Variants in TENM1 observed in about 807,000 individuals in gnomAD.
TENM1 encodes the protein teneurin transmembrane protein 1, also known as teneurin-1.
TENM1 carries 35 observed loss-of-function variants against 174.8 expected under a neutral mutation model. That is an observed-to-expected ratio of 0.20 (90% CI 0.15 to 0.27). The LOEUF (loss-of-function observed/expected upper bound fraction) is 0.27. Ranked by LOEUF, TENM1 falls within the 10% of genes least tolerant of loss-of-function variation. The pLI is 1.00. For synonymous variants in TENM1, 781 were observed against 798.7 expected (o/e 0.98, Z 0.37); for missense variants, 1,633 against 2,130.1 (o/e 0.77, Z 4.59).
chrX:124,487,010 T>C (rs1389444730), intron 21 of TENM1, among the ~76,000 whole-genome samples, 199 bp downstream of exon 24: 1 of 112,249 alleles, frequency 8.9e-6, no homozygotes, highest in Non-Finnish European at 1.9e-5. Context: ...TTTTAGTATG[T>C]TTTGATCCTC....
chrX:124,547,876 G>A (rs1432404208), intron 14 of TENM1, among the ~76,000 whole-genome samples: 7 of 111,662 alleles, frequency 6.3e-5, no homozygotes, highest in African/African-American at 9.8e-5. Flanking sequence ...TCTCTCTGTC[G>A]CCCAGGCTGG....
chrX:124,665,487 G>A (rs1184320556), intron 6 of TENM1, among the ~76,000 whole-genome samples: 1 of 112,717 alleles, frequency 8.9e-6, no homozygotes, highest in Admixed American at 9.4e-5. Flanking sequence ...GTAGGAAACT[G>A]GGAATTAATT....
At chrX:124,546,409 T>C (rs2048430689) in intron 15 of TENM1, among the ~76,000 whole-genome samples, 1 of 111,972 alleles carries the variant, frequency 8.9e-6, no homozygotes, top group Non-Finnish European at 1.9e-5. Context: ...AGGTCTTAAG[T>C]GACAATTCAT....
chrX:124,852,813 A>G (rs2056747021), intron 3 of TENM1, among the ~76,000 whole-genome samples: 2 of 111,559 alleles, frequency 1.8e-5, no homozygotes, highest in Admixed American at 9.5e-5. Context: ...TCAAGGGTGG[A>G]ATGAAGAGAA....
the TENM1 span, among the ~76,000 whole-genome samples, chrX:125,186,499 T>C: frequency 9.1e-6 from 1 of 109,769 alleles, no homozygotes; most frequent in African/African-American, 3.3e-5. Flanking sequence ...ATCATGGGAG[T>C]AGATCCTTCA....
intron 3 of TENM1, among the ~76,000 whole-genome samples, chrX:124,793,235 G>A (rs951378689): frequency 3.4e-4 from 38 of 111,443 alleles, no homozygotes; most frequent in East Asian, 1.4e-3. Context: ...ATTGGGTAGT[G>A]GTTTCTATGA....
intron 18 of TENM1, among the ~76,000 whole-genome samples, chrX:124,517,777 C>T (rs902299467): frequency 1.1e-4 from 12 of 107,194 alleles, no homozygotes; most frequent in African/African-American, 1.4e-4. Flanking sequence ...CAAACCTGGA[C>T]GTTGTGCACA....
At chrX:124,493,590 C>A (rs1431885549) in intron 20 of TENM1, among the ~76,000 whole-genome samples, 1 of 111,055 alleles carries the variant, frequency 9.0e-6, no homozygotes, top group Non-Finnish European at 1.9e-5. Flanking sequence ...AATTGTTCAG[C>A]GCTCCCATCT....
intron 14 of TENM1, 59 bp downstream of exon 17, chrX:124,561,612 C>T: frequency 8.4e-7 from 1 of 1,184,096 alleles, no homozygotes. Flanking sequence ...AGGTTGATTA[C>T]CACTGTGCTA....
At chrX:124,705,516 A>T (rs1228151437) in intron 4 of TENM1, among the ~76,000 whole-genome samples, 2 of 110,877 alleles carry the variant, frequency 1.8e-5, no homozygotes, top group Non-Finnish European at 3.8e-5. Flanking sequence ...GTGAGTGCTA[A>T]CATTCCACAT....
the TENM1 span, among the ~76,000 whole-genome samples, chrX:125,086,575 T>C: frequency 1.8e-5 from 2 of 111,237 alleles, no homozygotes; most frequent in Non-Finnish European, 3.8e-5. Context: ...AATTTACAGA[T>C]TATTTATTTT....
intron 11 of TENM1, among the ~76,000 whole-genome samples, chrX:124,615,542 G>T (rs2050379093): frequency 8.9e-6 from 1 of 112,158 alleles, no homozygotes; most frequent in African/African-American, 3.2e-5. Context: ...CAAAAGTAAG[G>T]TTCCGTTATT....
chrX:125,203,513 G>A, the TENM1 span, among the ~76,000 whole-genome samples: 2,497 of 112,524 alleles, frequency 0.022, 35 homozygotes, highest in Non-Finnish European at 0.038. Context: ...GAAGGGCAGC[G>A]TCCCCAGGGC....
At chrX:124,745,067 A>T (rs967897145) in intron 3 of TENM1, among the ~76,000 whole-genome samples, 4 of 112,124 alleles carry the variant, frequency 3.6e-5, no homozygotes, top group African/African-American at 1.3e-4. Flanking sequence ...CTAGAGTATA[A>T]AAAAGCATAG....
At chrX:124,505,192 G>A (rs1324655558) in intron 18 of TENM1, among the ~76,000 whole-genome samples, 1 of 112,072 alleles carries the variant, frequency 8.9e-6, no homozygotes, top group Non-Finnish European at 1.9e-5. Context: ...CATTTCACTG[G>A]GCCCTGCAAA....
intron 4 of TENM1, among the ~76,000 whole-genome samples, chrX:124,710,813 T>C (rs934108454): frequency 3.6e-5 from 4 of 112,252 alleles, no homozygotes; most frequent in African/African-American, 6.5e-5. Context: ...TTGTGAACCA[T>C]GAAAAAGAGC....
intron 5 of TENM1, among the ~76,000 whole-genome samples, chrX:124,695,031 G>A (rs1485658968): frequency 1.8e-5 from 2 of 111,812 alleles, no homozygotes; most frequent in Non-Finnish European, 3.8e-5. Flanking sequence ...TTACGTAACG[G>A]AGATATAATA....
intron 14 of TENM1, among the ~76,000 whole-genome samples, chrX:124,548,172 G>A (rs1056693769): frequency 8.9e-6 from 1 of 111,820 alleles, no homozygotes; most frequent in Non-Finnish European, 1.9e-5. Context: ...ACATGAATGC[G>A]ATGACTTTCT....
the TENM1 span, among the ~76,000 whole-genome samples, chrX:125,146,317 T>A: frequency 1.8e-5 from 2 of 110,894 alleles, no homozygotes; most frequent in Admixed American, 1.9e-4. Context: ...GGGAGGGGGT[T>A]TAAGGATTTG....
Sources: gnomAD v4.1 joint callset for allele counts (sites outside exome capture counted in the v4.1 genomes callset) on GRCh38, gnomAD v4.1.1 for gene constraint, MANE v1.5 for transcripts, NCBI Gene and HGNC (gene_info 2026-07-23, HGNC 2026-07-21) for gene names.